The following GPATCH2 variants were observed in gnomAD, a reference collection of about 807,000 sequenced individuals.
GPATCH2 encodes G-patch domain containing 2.
Under a neutral mutation model 58.0 loss-of-function variants are expected in GPATCH2, and 51 were observed. The observed-to-expected ratio is 0.88, with a 90% confidence interval of 0.70 to 1.11. The LOEUF is 1.11. Among genes scored for constraint, GPATCH2 ranks in the 50% most tolerant of loss-of-function variants. The pLI is 0.00. For missense variants in GPATCH2, 625 were observed against 652.2 expected (o/e 0.96, Z 0.45); for synonymous variants, 222 against 218.5 (o/e 1.02, Z -0.14).
At chr1:217,623,438 TAG>T (rs1669299251) in intron 1 of GPATCH2, among the ~76,000 whole-genome samples, 1 of 151,866 alleles carries the variant, frequency 6.6e-6, no homozygotes, top group Non-Finnish European at 1.5e-5. Flanking sequence ...CTGTAACCAA[TAG>T]AGTTTAATAA....
At chr1:217,625,705 C>T (rs1473843034) in intron 1 of GPATCH2, among the ~76,000 whole-genome samples, 3 of 152,038 alleles carry the variant, frequency 2.0e-5, no homozygotes, top group Non-Finnish European at 4.4e-5. Context: ...AAAAACTGGC[C>T]GGAAGCAGTG....
At position 217,630,902 on chromosome 1, in the gene GPATCH2, G is replaced by A. The variant is rs113729051; in HGVS notation, c.56+14C>T. 5.4e-4 allele frequency: 853 copies of A among 1,580,822 alleles called. 4 individuals carry two copies. In the African/African-American group the frequency reaches 6.0e-3, roughly 11 times the overall value. On this transcript the variant is annotated intron_variant, in intron 1 of 9. Transcript: ENST00000366935. Reference sequence around the variant, plus strand: ...CTTCCCTGACCTCCCCCTCCCCAGGGCCGCCAGCCTCACCAGCTGTTCCCG... The same window carrying A: ...CTTCCCTGACCTCCCCCTCCCCAGGACCGCCAGCCTCACCAGCTGTTCCCG...
chr1:217,481,242 T>C (rs531647631), intron 8 of GPATCH2, among the ~76,000 whole-genome samples: 115 of 152,342 alleles, frequency 7.5e-4, no homozygotes, highest in Non-Finnish European at 1.4e-3. Flanking sequence ...ATTGCATGCC[T>C]GTATCAAAAC....
chr1:217,543,638 T>C (rs1284262685), intron 5 of GPATCH2, among the ~76,000 whole-genome samples: 3 of 152,162 alleles, frequency 2.0e-5, no homozygotes, highest in East Asian at 1.9e-4. Context: ...GTCTGACTTA[T>C]AGGGATAGTG....
intron 5 of GPATCH2, among the ~76,000 whole-genome samples, chr1:217,589,069 C>A (rs2102762597): frequency 6.6e-6 from 1 of 152,200 alleles, no homozygotes; most frequent in African/African-American, 2.4e-5. Context: ...GTGAGCCTTC[C>A]AGGTGGGGCC....
At chr1:217,613,747 T>C (rs1315573338) in intron 3 of GPATCH2, among the ~76,000 whole-genome samples, 1 of 152,112 alleles carries the variant, frequency 6.6e-6, no homozygotes, top group Non-Finnish European at 1.5e-5. Context: ...CACAGCTGAA[T>C]AAAAATGACA....
Position 217,456,914 on chromosome 1 carries a change from A to G in GPATCH2, c.1278-7577T>C, listed in dbSNP as rs185267024. Reference sequence around the variant, plus strand: ...TGAATATGCATAGGCCTGGGTTGAAAGGCATGGAAGACTGTGCAACAAAAT... The same window carrying G: ...TGAATATGCATAGGCCTGGGTTGAAGGGCATGGAAGACTGTGCAACAAAAT... On this transcript the variant is annotated intron_variant, in intron 8 of 9. Coordinates refer to ENST00000366935, the MANE Select transcript of GPATCH2 (RefSeq NM_018040.5). 9.6e-3 allele frequency among the ~76,000 whole-genome samples: 1,456 copies of G among 152,344 alleles called. 11 individuals are homozygous for G. The highest frequency in any genetic ancestry group is 0.048 in the Middle Eastern group (14 of 294).
At chr1:217,610,766 T>C (rs1668583522) in intron 4 of GPATCH2, 123 bp downstream of exon 4, 5 of 654,972 alleles carry the variant, frequency 7.6e-6, no homozygotes, top group Non-Finnish European at 1.3e-5. Context: ...GTGGCCAATA[T>C]GTTTCTTTAC....
intron 5 of GPATCH2, among the ~76,000 whole-genome samples, chr1:217,534,574 GAAA>G (rs34766373): frequency 0.52 from 76,572 of 147,292 alleles, 21,731 homozygotes; most frequent in East Asian, 0.83. Context: ...TACAGTCTGT[GAAA>G]AAAAAAAAAA....
At chr1:217,570,603 A>AT (rs1300239282) in intron 5 of GPATCH2, among the ~76,000 whole-genome samples, 8 of 152,272 alleles carry the variant, frequency 5.3e-5, no homozygotes, top group African/African-American at 1.4e-4. Context: ...CTGGAATTAT[A>AT]TTTCCTTTGT....
chr1:217,611,400 A>T (rs1015080465), intron 3 of GPATCH2, among the ~76,000 whole-genome samples: 1 of 152,074 alleles, frequency 6.6e-6, no homozygotes, highest in African/African-American at 2.4e-5. Context: ...TCACTTAAGA[A>T]ATGTTATCTT....
chr1:217,542,784 C>A (rs930334398), intron 5 of GPATCH2, among the ~76,000 whole-genome samples: 3 of 152,184 alleles, frequency 2.0e-5, no homozygotes, highest in African/African-American at 7.2e-5. Context: ...AAACTGAAAC[C>A]TTTGCCTAGG....
intron 8 of GPATCH2, among the ~76,000 whole-genome samples, chr1:217,449,808 T>C (rs1659575682): frequency 1.3e-5 from 2 of 152,202 alleles, no homozygotes; most frequent in Admixed American, 6.5e-5. Context: ...TAGAAGGAAA[T>C]AGTGATGCTT....
In GPATCH2 at chr1:217,523,326, C is replaced by T. The variant is rs996784508; in HGVS notation, c.1099-8437G>A. 5.3e-5 allele frequency among the ~76,000 whole-genome samples: 8 copies of T among 151,564 alleles called. No homozygotes were observed. The East Asian group carries it at 5.8e-4, about 11-fold the overall frequency. On this transcript the variant is annotated intron_variant, in intron 5 of 9. Transcript: ENST00000366935. ...CTAGGCAGAGGACCCTGCAGCCTTC[C>T]GCAGTGTTTGTGTCCCTGGGTACTT...
At chr1:217,577,623 T>C (rs945282846) in intron 5 of GPATCH2, among the ~76,000 whole-genome samples, 1 of 152,168 alleles carries the variant, frequency 6.6e-6, no homozygotes, top group Non-Finnish European at 1.5e-5. Context: ...AAATTCAGTT[T>C]TGTTATATAG....
intron 5 of GPATCH2, among the ~76,000 whole-genome samples, chr1:217,577,658 C>T (rs1428962517): frequency 6.6e-6 from 1 of 152,086 alleles, no homozygotes; most frequent in Non-Finnish European, 1.5e-5. Context: ...GAGGTACTAA[C>T]AGGTCAAAGT....
chr1:217,491,779 G>A, intron 7 of GPATCH2, 29 bp from the exon 8 acceptor site: 1 of 838,394 alleles, frequency 1.2e-6, no homozygotes, highest in Non-Finnish European at 1.9e-6. Flanking sequence ...CAAAGTCATA[G>A]AAACAAAAAT....
chr1:217,582,271 G>A (rs1010422781), intron 5 of GPATCH2, among the ~76,000 whole-genome samples: 1 of 151,900 alleles, frequency 6.6e-6, no homozygotes, highest in Non-Finnish European at 1.5e-5. Context: ...AATCCTTGTT[G>A]CTCTTTGGAA....
intron 8 of GPATCH2, among the ~76,000 whole-genome samples, chr1:217,482,811 A>G (rs1189141747): frequency 2.0e-5 from 3 of 152,166 alleles, no homozygotes; most frequent in East Asian, 1.9e-4. Context: ...TGACACATTC[A>G]TACACACGTG....
Sources: allele counts gnomAD v4.1 joint callset (sites outside exome capture counted in the v4.1 genomes callset), GRCh38; gene constraint gnomAD v4.1.1; transcripts MANE v1.5; gene names NCBI Gene and HGNC (gene_info 2026-07-23, HGNC 2026-07-21).